TTK: variants seen among roughly 807,000 people sequenced by gnomAD.
The protein encoded by TTK is TTK protein kinase.
A neutral mutation model predicts 117.3 loss-of-function variants in TTK; 59 were observed. The ratio of observed to expected loss-of-function variants is 0.50; its 90% CI spans 0.41 to 0.62. TTK has a LOEUF of 0.62. Ranked by LOEUF, TTK falls within the 20% of genes least tolerant of loss-of-function variation. TTK has a pLI of 0.00. For synonymous variants in TTK, 302 were observed against 325.0 expected (o/e 0.93, Z 0.76); for missense variants, 921 against 989.4 (o/e 0.93, Z 0.93).
At chr6:80,013,454 TA>T in intron 9 of TTK, 88 bp downstream of exon 9, 2 of 1,075,564 alleles carry the variant, frequency 1.9e-6, no homozygotes, top group Non-Finnish European at 2.7e-6. Flanking sequence ...GGAAAGGGTT[TA>T]TAAATAGTTC....
In TTK at chr6:80,031,549, G is replaced by A; in HGVS notation, c.1604G>A (p.Gly535Asp). 6.6e-7 allele frequency: 1 copy of A among 1,513,976 alleles called. No individual in the cohort carries two copies. Among genetic ancestry groups the A allele is most frequent in the Non-Finnish European group, 8.8e-7 (1 of 1,136,354 alleles). The allele number at this position is 1,513,976 out of a possible 1,614,324, so 93.8% of individuals were successfully genotyped here. ...YSILKQIGSGGSSKVFQVLNE... is the reference protein window; with the variant it reads ...YSILKQIGSGDSSKVFQVLNE... Reference sequence around the variant, plus strand: ...ATATTAAAGCAGATAGGAAGTGGAGGTTCAAGCAAGGTAAGTATCTTAAAA... The same window carrying A: ...ATATTAAAGCAGATAGGAAGTGGAGATTCAAGCAAGGTAAGTATCTTAAAA... The change falls in exon 14 of 22, where the codon GGT (glycine) becomes GAT (aspartate). Residue 535 changes from glycine to aspartate, a missense_variant. By Grantham distance (94) the Gly-to-Asp change is moderately conservative. Transcript: ENST00000369798.
chr6:80,022,696 C>T (rs1215824523), intron 11 of TTK, among the ~76,000 whole-genome samples: 1 of 152,182 alleles, frequency 6.6e-6, no homozygotes, highest in African/African-American at 2.4e-5. Context: ...TTCTAGATTG[C>T]CGATAGACTG....
chr6:80,029,572 G>C (rs1375822973), intron 13 of TTK, among the ~76,000 whole-genome samples: 1 of 152,230 alleles, frequency 6.6e-6, no homozygotes, highest in Non-Finnish European at 1.5e-5. Flanking sequence ...AAGGGGCTTG[G>C]TGGAGCCTTC....
chr6:80,039,041 G>A (rs1318391162), intron 18 of TTK, among the ~76,000 whole-genome samples: 1 of 152,012 alleles, frequency 6.6e-6, no homozygotes, highest in Non-Finnish European at 1.5e-5. Context: ...ACATCTTCAA[G>A]ATATGTTAAA....
chr6:80,023,019 G>A (rs1224000352), intron 11 of TTK, among the ~76,000 whole-genome samples: 1 of 152,162 alleles, frequency 6.6e-6, no homozygotes, highest in Non-Finnish European at 1.5e-5. Flanking sequence ...AACATACTGA[G>A]TCATCATTCC....
intron 5 of TTK, 33 bp downstream of exon 5, chr6:80,010,990 G>A: frequency 6.3e-7 from 1 of 1,580,366 alleles, no homozygotes; most frequent in Non-Finnish European, 8.6e-7. Context: ...ACTTTCTGTG[G>A]TAGGTAGTAC....
intron 16 of TTK, 113 bp downstream of exon 16, chr6:80,035,530 C>A (rs1767883162): frequency 4.7e-6 from 5 of 1,055,922 alleles, no homozygotes; most frequent in Admixed American, 3.5e-5. Context: ...TTAACGAGAT[C>A]AACTAAATAA....
chr6:80,028,448 G>T, intron 13 of TTK, among the ~76,000 whole-genome samples: 1 of 151,868 alleles, frequency 6.6e-6, no homozygotes, highest in African/African-American at 2.4e-5. Context: ...CTCCCGAGTA[G>T]CTGAGATTAC....
rs970992660 is a variant in TTK at position 80,042,290 on chromosome 6, G to GA, written c.*89dup. 7.5e-6 allele frequency: 8 copies of GA among 1,072,742 alleles called. No individual in the cohort carries two copies. In the African/African-American group the frequency reaches 1.3e-4, roughly 17 times the overall value. 66.5% of individuals were successfully genotyped at this position (1,072,742 alleles called of 1,614,324 possible). Reference sequence around the variant, plus strand: ...ATCCCTGTGGAAATCTACATTTGAAGACAACATCACTCTGAAGTGTTATCA... The same window carrying GA: ...ATCCCTGTGGAAATCTACATTTGAAGAACAACATCACTCTGAAGTGTTATCA... On this transcript the variant is annotated 3_prime_UTR_variant, in exon 22 of 22. Coordinates refer to ENST00000369798, the MANE Select transcript of TTK (RefSeq NM_003318.5).
At chr6:80,018,438 A>AT (rs1266920525) in intron 10 of TTK, among the ~76,000 whole-genome samples, 2 of 146,292 alleles carry the variant, frequency 1.4e-5, no homozygotes. Context: ...CAGTGTGGTG[A>AT]AACCCCATCT....
intron 2 of TTK, among the ~76,000 whole-genome samples, chr6:80,007,558 CTT>C (rs1404252475): frequency 9.2e-5 from 14 of 151,992 alleles, no homozygotes. Flanking sequence ...AAAAAACTCA[CTT>C]ATTTCCAAAT....
At position 80,011,441 on chromosome 6, in the gene TTK, G is replaced by A. The variant is rs757894725; in HGVS notation, c.621G>A (p.Thr207=). 29 of 1,577,628 alleles carry A rather than the reference G, an allele frequency of 1.8e-5. No individual in the cohort carries two copies. The highest frequency in any genetic ancestry group is 2.3e-5 in the Non-Finnish European group (27 of 1,168,490). ...GTTTCAAAATTTTTACAGCATCTAC[G>A]GTATTAACTGCCCAAGAATCATTTT... The part of the protein sequence containing the change: ...EEEKKNLSAS[T]VLTAQESFSG... The change falls in exon 6 of 22, where the codon ACG becomes ACA. Residue 207 remains threonine (T), a synonymous_variant. Transcript: ENST00000369798.
At chr6:80,038,095 A>T in intron 18 of TTK, 48 bp downstream of exon 18, 2 of 1,385,770 alleles carry the variant, frequency 1.4e-6, no homozygotes, top group Non-Finnish European at 2.0e-6. Context: ...ACAGTAGGGA[A>T]TGCACTATTT....
In TTK at chr6:80,032,451, T is replaced by C. The variant is rs13194041; in HGVS notation, c.1614+892T>C. Reference sequence around the variant, plus strand: ...TTCAATCTTGTGGTTTCAAATAACATGTGTATGCTGACAATTCCCAAACTT... The same window carrying C: ...TTCAATCTTGTGGTTTCAAATAACACGTGTATGCTGACAATTCCCAAACTT... On this transcript the variant is annotated intron_variant, in intron 14 of 21. Coordinates refer to ENST00000369798, the MANE Select transcript of TTK (RefSeq NM_003318.5). Among the ~76,000 whole-genome samples, 92 of 152,318 alleles carry C rather than the reference T, an allele frequency of 6.0e-4. 2 individuals are homozygous for C. Among genetic ancestry groups the C allele is most frequent in the Middle Eastern group, 3.4e-3 (1 of 294 alleles).
At chr6:80,006,026 A>T in intron 2 of TTK, 44 bp downstream of exon 2, 1 of 1,583,662 alleles carries the variant, frequency 6.3e-7, no homozygotes. Flanking sequence ...TTTGTTGGGT[A>T]TCCTCTAAGG....
intron 18 of TTK, 111 bp downstream of exon 18, chr6:80,038,158 C>A (rs920345158): frequency 4.8e-6 from 3 of 618,896 alleles, no homozygotes; most frequent in Non-Finnish European, 5.0e-6. Context: ...ACTTTTTAGG[C>A]CATTACAGAG....
At chr6:80,006,857 A>G (rs1348484487) in intron 2 of TTK, among the ~76,000 whole-genome samples, 4 of 152,166 alleles carry the variant, frequency 2.6e-5, no homozygotes, top group Non-Finnish European at 4.4e-5. Context: ...TGCATGCACT[A>G]TATTTTAGTA....
intron 11 of TTK, among the ~76,000 whole-genome samples, chr6:80,024,891 A>G (rs1767564829): frequency 6.6e-6 from 1 of 151,928 alleles, no homozygotes; most frequent in African/African-American, 2.4e-5. Flanking sequence ...TTCTTGCAAA[A>G]GGCCTGCTCT....
At chr6:80,041,153 A>G (rs577302178) in intron 21 of TTK, among the ~76,000 whole-genome samples, 1 of 151,836 alleles carries the variant, frequency 6.6e-6, no homozygotes, top group Admixed American at 6.6e-5. Context: ...CCCAATGTCC[A>G]TTTATATCTA....
Sources: allele counts gnomAD v4.1 joint callset (sites outside exome capture counted in the v4.1 genomes callset), GRCh38; gene constraint gnomAD v4.1.1; transcripts MANE v1.5; gene names NCBI Gene and HGNC (gene_info 2026-07-23, HGNC 2026-07-21).